The following NBEA variants were observed in gnomAD, a reference collection of about 807,000 sequenced individuals.
The protein encoded by NBEA is lysosomal-trafficking regulator 2.
Under a neutral mutation model 343.4 loss-of-function variants are expected in NBEA, and 44 were observed. The observed-to-expected ratio is 0.13, with a 90% confidence interval of 0.10 to 0.16. NBEA has a LOEUF of 0.16. Ranked by LOEUF, NBEA falls within the 10% of genes least tolerant of loss-of-function variation. The pLI is 1.00. For synonymous variants in NBEA, 1,175 were observed against 1,238.7 expected (o/e 0.95, Z 1.08); for missense variants, 2,555 against 3,631.3 (o/e 0.70, Z 7.62).
chr13:35,247,160 G>C (rs1450095552), intron 34 of NBEA, among the ~76,000 whole-genome samples: 1 of 152,122 alleles, frequency 6.6e-6, no homozygotes, highest in African/African-American at 2.4e-5. Flanking sequence ...CATCAAGTTT[G>C]TTTCCAGGCA....
At chr13:34,971,910 T>C (rs1028069130) in intron 1 of NBEA, among the ~76,000 whole-genome samples, 31 of 152,012 alleles carry the variant, frequency 2.0e-4, no homozygotes, top group African/African-American at 7.2e-4. Flanking sequence ...ATAGTTTCAA[T>C]AGGAATGGTA....
At chr13:35,622,109 A>C (rs2083020208) in intron 48 of NBEA, among the ~76,000 whole-genome samples, 1 of 152,206 alleles carries the variant, frequency 6.6e-6, no homozygotes, top group Admixed American at 6.5e-5. Context: ...ACTGAACTTG[A>C]GTAAGAAGGA....
chr13:35,022,258 G>C (rs1343832838), intron 1 of NBEA, among the ~76,000 whole-genome samples: 1 of 152,062 alleles, frequency 6.6e-6, no homozygotes, highest in Non-Finnish European at 1.5e-5. Context: ...AAAATTGCGT[G>C]TTGCTTTAAA....
At chr13:35,138,459 CTT>C (rs1230686366) in intron 17 of NBEA, among the ~76,000 whole-genome samples, 25 of 136,440 alleles carry the variant, frequency 1.8e-4, no homozygotes, top group Non-Finnish European at 2.4e-4. Context: ...AATTATGCTA[CTT>C]TTTTTTTTTT....
chr13:35,433,615 G>A (rs2045253799), intron 39 of NBEA, among the ~76,000 whole-genome samples: 1 of 151,576 alleles, frequency 6.6e-6, no homozygotes, highest in Non-Finnish European at 1.5e-5. Context: ...AAATAGATAA[G>A]GATTTCATAT....
At chr13:35,367,717 C>A (rs1229928360) in intron 38 of NBEA, among the ~76,000 whole-genome samples, 2 of 151,196 alleles carry the variant, frequency 1.3e-5, no homozygotes, top group Non-Finnish European at 3.0e-5. Context: ...TAACATAAGT[C>A]TAAAAAATTA....
At chr13:35,262,791 A>T (rs561541993) in intron 34 of NBEA, among the ~76,000 whole-genome samples, 1 of 152,282 alleles carries the variant, frequency 6.6e-6, no homozygotes, top group East Asian at 1.9e-4. Context: ...CTGATAAAAG[A>T]CTTGTACAAT....
Position 35,171,309 on chromosome 13 carries a change from C to T in NBEA, c.4280C>T (p.Ser1427Leu). Residue 1427 changes from serine (S) to leucine (L), a missense_variant, in exon 26 of 59, where the codon TCA becomes TTA. Transcript: ENST00000379939. The part of the protein sequence containing the change: ...LENIEVTQGM[S>L]AETAVTFLSR... Reference sequence around the variant, plus strand: ...AATATTGAAGTGACACAAGGCATGTCAGCTGAGACAGCAGTAACTTTCCTC... The same window carrying T: ...AATATTGAAGTGACACAAGGCATGTTAGCTGAGACAGCAGTAACTTTCCTC... The T allele has an allele frequency of 6.2e-7, 1 of 1,612,186 alleles. No individual in the cohort carries two copies. Among genetic ancestry groups the T allele is most frequent in the Non-Finnish European group, 8.5e-7 (1 of 1,178,740 alleles).
chr13:35,470,533 G>C (rs1344863642), intron 40 of NBEA, among the ~76,000 whole-genome samples: 1 of 152,198 alleles, frequency 6.6e-6, no homozygotes, highest in African/African-American at 2.4e-5. Flanking sequence ...TTAGAATGGA[G>C]ACTTTTTTGA....
At chr13:34,954,305 A>C (rs146646385) in intron 1 of NBEA, among the ~76,000 whole-genome samples, 1 of 152,302 alleles carries the variant, frequency 6.6e-6, no homozygotes, top group East Asian at 1.9e-4. Context: ...TTGTTTACTT[A>C]TCAGACTGCA....
chr13:35,434,825 A>C (rs753979339), intron 39 of NBEA, among the ~76,000 whole-genome samples: 2 of 152,158 alleles, frequency 1.3e-5, no homozygotes, highest in Non-Finnish European at 2.9e-5. Context: ...CCTATATAGA[A>C]AATATCTCTT....
chr13:35,142,248 A>G, intron 17 of NBEA, 21 bp from the exon 18 acceptor site: 1 of 1,539,776 alleles, frequency 6.5e-7, no homozygotes, highest in Non-Finnish European at 9.0e-7. Flanking sequence ...ATGGTGTTTT[A>G]TTTTTCCTCC....
intron 41 of NBEA, among the ~76,000 whole-genome samples, chr13:35,481,709 A>G (rs947118531): frequency 3.9e-5 from 6 of 151,926 alleles, no homozygotes; most frequent in African/African-American, 1.4e-4. Context: ...GTGATATTAT[A>G]GAAATATTCA....
chr13:35,336,551 C>G (rs1297595506), intron 36 of NBEA, among the ~76,000 whole-genome samples: 1 of 151,704 alleles, frequency 6.6e-6, no homozygotes, highest in Admixed American at 6.6e-5. Context: ...ATAAATTGTT[C>G]TACCATTAAG....
intron 38 of NBEA, among the ~76,000 whole-genome samples, chr13:35,362,584 C>T (rs747739659): frequency 3.1e-4 from 47 of 151,814 alleles, no homozygotes; most frequent in Admixed American, 6.6e-4. Context: ...TCAGTAACAC[C>T]GTGAGATCTA....
intron 1 of NBEA, among the ~76,000 whole-genome samples, chr13:34,988,716 T>A (rs1274416682): frequency 1.3e-5 from 2 of 151,270 alleles, no homozygotes; most frequent in Non-Finnish European, 3.0e-5. Flanking sequence ...TATTTGGTGA[T>A]ACTTCTTGTC....
chr13:35,545,775 A>T (rs2079032613), intron 41 of NBEA, among the ~76,000 whole-genome samples: 2 of 152,178 alleles, frequency 1.3e-5, no homozygotes, highest in South Asian at 4.1e-4. Flanking sequence ...CTCAGAATGG[A>T]TCTAATCCAG....
At chr13:35,108,908 C>A (rs922471978) in intron 11 of NBEA, among the ~76,000 whole-genome samples, 4 of 152,022 alleles carry the variant, frequency 2.6e-5, no homozygotes, top group African/African-American at 9.7e-5. Context: ...TATTTTTAAG[C>A]AGTATTTTTA....
chr13:35,248,602 G>A (rs9315335), intron 34 of NBEA, among the ~76,000 whole-genome samples: 1 of 115,306 alleles, frequency 8.7e-6, no homozygotes, highest in Non-Finnish European at 2.2e-5. Flanking sequence ...AAACAAACAA[G>A]CAAACAAATA....
Sources: allele counts gnomAD v4.1 joint callset (sites outside exome capture counted in the v4.1 genomes callset), GRCh38; gene constraint gnomAD v4.1.1; transcripts MANE v1.5; gene names NCBI Gene and HGNC (gene_info 2026-07-23, HGNC 2026-07-21).